The following FHL5 variants were observed in gnomAD, a reference collection of about 807,000 sequenced individuals.
FHL5 encodes the protein four and a half LIM domains protein 5.
Under a neutral mutation model 32.0 loss-of-function variants are expected in FHL5, and 33 were observed. That is an observed-to-expected ratio of 1.03 (90% CI 0.78 to 1.38). The LOEUF is 1.38. Among genes scored for constraint, FHL5 ranks in the 40% most tolerant of loss-of-function variants. The pLI, the probability that FHL5 is intolerant of heterozygous loss-of-function variation, is 0.00. For synonymous variants in FHL5, 114 were observed against 113.6 expected (o/e 1.00, Z -0.02); for missense variants, 336 against 343.9 (o/e 0.98, Z 0.18).
chr6:96,593,344 C>T (rs997062910), intron 1 of FHL5, among the ~76,000 whole-genome samples: 15 of 152,070 alleles, frequency 9.9e-5, no homozygotes, highest in Non-Finnish European at 2.9e-5. Flanking sequence ...TTCTTCTGAA[C>T]ATGGTCATTT....
intron 1 of FHL5, among the ~76,000 whole-genome samples, chr6:96,582,251 G>C (rs1199964462): frequency 6.6e-6 from 1 of 152,084 alleles, no homozygotes; most frequent in Non-Finnish European, 1.5e-5. Context: ...AGATTTAAAA[G>C]CAGAAGGTTG....
chr6:96,588,172 TG>T (rs1382842227), intron 1 of FHL5, among the ~76,000 whole-genome samples: 1 of 152,240 alleles, frequency 6.6e-6, no homozygotes, highest in Non-Finnish European at 1.5e-5. Context: ...CATTCATTTT[TG>T]CATACTTATT....
At chr6:96,575,834 T>C (rs974540500) in intron 1 of FHL5, among the ~76,000 whole-genome samples, 5 of 152,190 alleles carry the variant, frequency 3.3e-5, no homozygotes, top group African/African-American at 1.2e-4. Context: ...ACAGAATACG[T>C]CATAGATCTA....
chr6:96,598,008 A>G (rs1771071035), intron 1 of FHL5, among the ~76,000 whole-genome samples: 1 of 152,222 alleles, frequency 6.6e-6, no homozygotes, highest in Admixed American at 6.5e-5. Context: ...TAGTTGACAC[A>G]GGACTCAGCC....
chr6:96,585,503 G>C (rs369560573), intron 1 of FHL5, among the ~76,000 whole-genome samples: 1 of 151,760 alleles, frequency 6.6e-6, no homozygotes, highest in Non-Finnish European at 1.5e-5. Context: ...TAATAATTAT[G>C]GTGCTATTTG....
At chr6:96,595,779 A>C (rs931349794) in intron 1 of FHL5, among the ~76,000 whole-genome samples, 2 of 151,870 alleles carry the variant, frequency 1.3e-5, no homozygotes, top group Non-Finnish European at 2.9e-5. Flanking sequence ...TTCTGTTGCA[A>C]ATCTGCCTAG....
At position 96,615,891 on chromosome 6, in the gene FHL5, A is replaced by C. The variant is rs546075336; in HGVS notation, c.*119A>C. On this transcript the variant is annotated 3_prime_UTR_variant, in exon 6 of 6. Coordinates refer to ENST00000450218, the MANE Select transcript of FHL5 (RefSeq NM_001322466.2). ...AAATATTCATGTAGTTTAGAGTGGA[A>C]AAGTTTTTGCACACATTTTGATCGA... is the stretch of plus-strand genomic sequence containing the variant. The C allele has an allele frequency of 2.4e-5, 20 of 834,002 alleles. 1 individual carries two copies. The South Asian group carries it at 4.2e-4, about 18-fold the overall frequency. 51.7% of individuals were successfully genotyped at this position (834,002 alleles called of 1,614,324 possible).
chr6:96,584,666 A>G (rs1477761418), intron 1 of FHL5, among the ~76,000 whole-genome samples: 1 of 152,164 alleles, frequency 6.6e-6, no homozygotes, highest in Non-Finnish European at 1.5e-5. Flanking sequence ...TTTATCAAGC[A>G]TCATGGAGGA....
rs571710964 is a variant in FHL5, at chr6:96,586,492, G to A, written c.-12-17110G>A. 9.2e-5 allele frequency among the ~76,000 whole-genome samples: 14 copies of A among 152,234 alleles called. No individual in the cohort carries two copies. The South Asian group carries it at 2.5e-3, about 27-fold the overall frequency. The stretch of plus-strand genomic sequence containing the variant: ...CAACATAAATTCTTCTAAAATTGAA[G>A]CATGAGCAAACATCAAATTTACAGT... On this transcript the variant is annotated intron_variant, in intron 1 of 5. Coordinates refer to ENST00000450218, the MANE Select transcript of FHL5 (RefSeq NM_001322466.2).
intron 1 of FHL5, among the ~76,000 whole-genome samples, chr6:96,565,190 T>C (rs1285615393): frequency 6.6e-6 from 1 of 152,192 alleles, no homozygotes; most frequent in African/African-American, 2.4e-5. Flanking sequence ...CCTCACCATA[T>C]GTCTAAACTT....
Position 96,615,805 on chromosome 6 carries a change from G to T in FHL5, c.*33G>T. 1 of 1,524,104 alleles carries T rather than the reference G, an allele frequency of 6.6e-7. No homozygotes were observed. 94.4% of individuals were successfully genotyped at this position (1,524,104 alleles called of 1,614,324 possible). On this transcript the variant is annotated 3_prime_UTR_variant, in exon 6 of 6. Coordinates refer to ENST00000450218, the MANE Select transcript of FHL5 (RefSeq NM_001322466.2). ...TCCTTGCCCACCTAAAATCCATTTTGCCTTCGTTGTCACTAAAGCCAGAAC... is the reference window on the plus strand; with the variant it reads ...TCCTTGCCCACCTAAAATCCATTTTTCCTTCGTTGTCACTAAAGCCAGAAC...
At chr6:96,615,060 G>A (rs75894586) in intron 5 of FHL5, among the ~76,000 whole-genome samples, 1 of 152,086 alleles carries the variant, frequency 6.6e-6, no homozygotes, top group Non-Finnish European at 1.5e-5. Flanking sequence ...GTCCCAAACC[G>A]TATAACCCCA....
intron 1 of FHL5, among the ~76,000 whole-genome samples, chr6:96,571,165 C>T (rs1480265146): frequency 6.6e-6 from 1 of 152,002 alleles, no homozygotes; most frequent in Non-Finnish European, 1.5e-5. Flanking sequence ...GTCTTTCATC[C>T]TGCAGTTGAG....
chr6:96,596,024 T>C (rs1430140578), intron 1 of FHL5, among the ~76,000 whole-genome samples: 1 of 152,082 alleles, frequency 6.6e-6, no homozygotes, highest in Admixed American at 6.6e-5. Flanking sequence ...GTATGATTTT[T>C]TTTAGGCCTA....
chr6:96,566,105 T>A (rs1770351727), intron 1 of FHL5, among the ~76,000 whole-genome samples: 2 of 152,064 alleles, frequency 1.3e-5, no homozygotes, highest in African/African-American at 4.8e-5. Context: ...ATTCCTCCTA[T>A]CTAGCTGTAT....
chr6:96,598,161 C>G (rs992773542), intron 1 of FHL5, among the ~76,000 whole-genome samples: 2 of 152,160 alleles, frequency 1.3e-5, no homozygotes, highest in Non-Finnish European at 2.9e-5. Context: ...GCTGCCACCA[C>G]GAGTACTGCC....
At position 96,615,786 on chromosome 6, in the gene FHL5, C is replaced by T; in HGVS notation, c.*14C>T. On this transcript the variant is annotated 3_prime_UTR_variant, in exon 6 of 6. Coordinates refer to ENST00000450218, the MANE Select transcript of FHL5 (RefSeq NM_001322466.2). ...ACTGACATCTAGGAGACAGTCCTTG[C>T]CCACCTAAAATCCATTTTGCCTTCG... is the stretch of plus-strand genomic sequence containing the variant. The T allele has an allele frequency of 6.4e-7, 1 of 1,565,652 alleles. No individual in the cohort carries two copies. Among genetic ancestry groups the T allele is most frequent in the South Asian group, 1.2e-5 (1 of 84,454 alleles).
At chr6:96,610,424 A>C in intron 4 of FHL5, 148 bp from the exon 5 acceptor site, 1 of 615,336 alleles carries the variant, frequency 1.6e-6, no homozygotes, top group East Asian at 2.6e-5. Context: ...CAAAAGCACC[A>C]GTTGTGGCAT....
chr6:96,578,771 G>A (rs1036282936), intron 1 of FHL5, among the ~76,000 whole-genome samples: 5 of 152,144 alleles, frequency 3.3e-5, no homozygotes, highest in African/African-American at 1.2e-4. Flanking sequence ...GAACCTGGGA[G>A]GCGGAAGCTG....
Sources: allele counts gnomAD v4.1 joint callset (sites outside exome capture counted in the v4.1 genomes callset), GRCh38; gene constraint gnomAD v4.1.1; transcripts MANE v1.5; gene names NCBI Gene and HGNC (gene_info 2026-07-23, HGNC 2026-07-21).